CENPP: variants seen among roughly 807,000 people sequenced by gnomAD.
CENPP encodes the protein centromere protein P.
A neutral mutation model predicts 35.6 loss-of-function variants in CENPP; 24 were observed. The observed-to-expected ratio is 0.67, with a 90% confidence interval of 0.49 to 0.95. CENPP has a LOEUF of 0.95. CENPP is among the 40% of genes least tolerant of loss of function. CENPP has a pLI of 0.00. For synonymous variants in CENPP, 120 were observed against 125.5 expected (o/e 0.96, Z 0.29); for missense variants, 332 against 345.3 (o/e 0.96, Z 0.31).
chr9:92,396,734 C>A (rs1842907691), intron 5 of CENPP, among the ~76,000 whole-genome samples: 1 of 151,696 alleles, frequency 6.6e-6, no homozygotes, highest in African/African-American at 2.4e-5. Flanking sequence ...CTGGCTTTTT[C>A]TTGGTTAAAT....
chr9:92,537,352 G>T (rs1849206796), intron 5 of CENPP, among the ~76,000 whole-genome samples: 1 of 152,078 alleles, frequency 6.6e-6, no homozygotes, highest in South Asian at 2.1e-4. Context: ...TAAGGAAAAT[G>T]ATATCTATTT....
intron 4 of CENPP, among the ~76,000 whole-genome samples, chr9:92,351,109 A>G (rs1395039606): frequency 1.3e-5 from 2 of 152,234 alleles, no homozygotes; most frequent in African/African-American, 4.8e-5. Flanking sequence ...CAACCATGTT[A>G]AAGAGTACAC....
rs1588161204 is a variant in CENPP, at chr9:92,474,655, G to T, written c.564+94796G>T. 10 of 1,613,574 alleles carry T rather than the reference G, an allele frequency of 6.2e-6. 1 individual carries two copies. The East Asian group carries it at 6.7e-5, about 11-fold the overall frequency. ...CTGAGCAATGTACAACTCGTGAATA[G>T]CACTGACATCCAAATGGACACATTG... On this transcript the variant is annotated intron_variant, in intron 5 of 7. Transcript: ENST00000375587.
rs962391624 is a variant in CENPP at position 92,476,542 on chromosome 9, G to T, written c.564+96683G>T. ...GCCCACTGGGTAGCTGGATGGCACT[G>T]GTCAGGTATGTGTGATATTCCTGTG... On this transcript the variant is annotated intron_variant, in intron 5 of 7. Transcript: ENST00000375587. The surrounding 1 kb of genome is among the most constrained non-coding windows in gnomAD (Gnocchi z 4.1). Among the ~76,000 whole-genome samples, 2 of 152,172 alleles carry T rather than the reference G, an allele frequency of 1.3e-5. No individual in the cohort carries two copies. Among genetic ancestry groups the T allele is most frequent in the Admixed American group, 6.5e-5 (1 of 15,286 alleles).
At chr9:92,410,960 G>A (rs747287228) in intron 5 of CENPP, among the ~76,000 whole-genome samples, 1 of 152,042 alleles carries the variant, frequency 6.6e-6, no homozygotes, top group East Asian at 1.9e-4. Context: ...TACCCACATA[G>A]CTCTTATATC....
chr9:92,616,119 TTC>T lies in CENPP; in HGVS notation c.*2977_*2978del. On this transcript the variant is annotated 3_prime_UTR_variant, in exon 8 of 8. Transcript: ENST00000375587. ...CCCCCATTCATTTCCCTCCCTCCCG[TTC>T]TCTCTCCCTTTCTTCTTTCAACTAG... is the stretch of plus-strand genomic sequence containing the variant. The T allele has an allele frequency of 3.5e-6, 4 of 1,139,728 alleles. 1 individual carries two copies. The South Asian group carries it at 5.5e-5, about 16-fold the overall frequency. 70.6% of individuals were successfully genotyped at this position (1,139,728 alleles called of 1,614,324 possible).
intron 5 of CENPP, among the ~76,000 whole-genome samples, chr9:92,547,575 T>C (rs1053269679): frequency 6.6e-6 from 1 of 152,194 alleles, no homozygotes; most frequent in Admixed American, 6.5e-5. Flanking sequence ...AGACCACATA[T>C]TGAATGATTT....
chr9:92,560,832 C>T (rs1849830247), intron 5 of CENPP, among the ~76,000 whole-genome samples: 1 of 151,336 alleles, frequency 6.6e-6, no homozygotes, highest in South Asian at 2.1e-4. Context: ...GTCGCAGTGG[C>T]TCCAAACCTA....
chr9:92,567,163 G>A (rs1849986355), intron 5 of CENPP, among the ~76,000 whole-genome samples: 1 of 151,836 alleles, frequency 6.6e-6, no homozygotes, highest in African/African-American at 2.4e-5. Context: ...AGTTCTACAG[G>A]GTGAAATGAA....
intron 5 of CENPP, among the ~76,000 whole-genome samples, chr9:92,580,516 C>T (rs895443637): frequency 1.3e-5 from 2 of 152,210 alleles, no homozygotes; most frequent in African/African-American, 4.8e-5. Flanking sequence ...CAACTTCCTC[C>T]TGGTTCAGTC....
At chr9:92,444,143 C>T (rs1844491923) in intron 5 of CENPP, among the ~76,000 whole-genome samples, 1 of 152,166 alleles carries the variant, frequency 6.6e-6, no homozygotes, top group South Asian at 2.1e-4. Flanking sequence ...TCCTATATCA[C>T]TCCGCTTTGA....
intron 5 of CENPP, chr9:92,496,312 G>T: frequency 6.4e-7 from 1 of 1,571,834 alleles, no homozygotes; most frequent in South Asian, 1.2e-5. Context: ...GGAAAACTTG[G>T]AATTACTTGA....
chr9:92,399,458 G>C (rs10820971), intron 5 of CENPP, among the ~76,000 whole-genome samples: 72,235 of 151,784 alleles, frequency 0.48, 20,710 homozygotes, highest in African/African-American at 0.81. Flanking sequence ...TATTATCTGT[G>C]AGCTCTTTAT....
intron 5 of CENPP, chr9:92,457,436 A>G: frequency 6.2e-7 from 1 of 1,613,698 alleles, no homozygotes; most frequent in Non-Finnish European, 8.5e-7. Context: ...TGTTGGACAG[A>G]AGTCATTTAC....
rs895935988 is a variant in CENPP, at chr9:92,505,977, G to C, written c.565-105337G>C. ...TGTAAGGAACAGAAGCAAGAGAGAA[G>C]AGAGGGAGGGAGATAGGAAAGAGAG... On this transcript the variant is annotated intron_variant, in intron 5 of 7. Transcript: ENST00000375587. Among the ~76,000 whole-genome samples, 3 of 152,318 alleles carry C rather than the reference G, an allele frequency of 2.0e-5. No individual in the cohort carries two copies. In the South Asian group the frequency reaches 6.2e-4, roughly 32 times the overall value.
At chr9:92,500,655 A>G (rs1846616965) in intron 5 of CENPP, 2 of 1,435,672 alleles carry the variant, frequency 1.4e-6, no homozygotes, top group African/African-American at 1.4e-5. Flanking sequence ...CCCAGAGATC[A>G]TGTCATGGTT....
At chr9:92,464,046 T>C (rs977295543) in intron 5 of CENPP, among the ~76,000 whole-genome samples, 1 of 152,222 alleles carries the variant, frequency 6.6e-6, no homozygotes, top group South Asian at 2.1e-4. Flanking sequence ...CTTTAACTCA[T>C]GGATACTGAA....
At chr9:92,522,378 G>A (rs1047772725) in intron 5 of CENPP, among the ~76,000 whole-genome samples, 2 of 152,126 alleles carry the variant, frequency 1.3e-5, no homozygotes, top group Middle Eastern at 3.4e-3. Context: ...GAGCCACCGC[G>A]CCTGGCCCTA....
At chr9:92,496,038 C>G (rs1402803182) in intron 5 of CENPP, 6 of 1,026,886 alleles carry the variant, frequency 5.8e-6, no homozygotes, top group Non-Finnish European at 5.8e-6. Context: ...CCAGACTCTT[C>G]TGGTCTAGCT....
Sources: allele counts gnomAD v4.1 joint callset (sites outside exome capture counted in the v4.1 genomes callset), GRCh38; gene constraint gnomAD v4.1.1; non-coding constraint Gnocchi (gnomAD v3.1); transcripts MANE v1.5; gene names NCBI Gene and HGNC (gene_info 2026-07-23, HGNC 2026-07-21).